The following FLNB variants were observed in gnomAD, a reference collection of about 807,000 sequenced individuals.
FLNB encodes the protein filamin B.
In FLNB, 111 loss-of-function variants were observed where a neutral mutation model predicts 250.6. The observed-to-expected ratio is 0.44, with a 90% confidence interval of 0.38 to 0.52. FLNB has a LOEUF of 0.52. Among genes scored for constraint, FLNB ranks in the 20% least tolerant of loss-of-function variants. FLNB has a pLI of 0.00. For synonymous variants in FLNB, 1,302 were observed against 1,372.1 expected (o/e 0.95, Z 1.13); for missense variants, 2,869 against 3,447.8 (o/e 0.83, Z 4.20).
intron 22 of FLNB, 56 bp downstream of exon 22, chr3:58,124,561 C>T: frequency 5.1e-6 from 8 of 1,582,426 alleles, no homozygotes; most frequent in Non-Finnish European, 4.3e-6. Context: ...TTGGTCATTG[C>T]CTCCTGGTGG....
intron 5 of FLNB, among the ~76,000 whole-genome samples, chr3:58,095,626 A>G (rs1202007407): frequency 6.6e-6 from 1 of 152,178 alleles, no homozygotes; most frequent in Non-Finnish European, 1.5e-5. Flanking sequence ...CACATTGGCC[A>G]TTCTTTGGTT....
chr3:58,061,607 C>CTA (rs1176103167), intron 1 of FLNB, among the ~76,000 whole-genome samples: 1 of 151,896 alleles, frequency 6.6e-6, no homozygotes, highest in African/African-American at 2.4e-5. Context: ...ACTGTCCCAG[C>CTA]TACTTGGGAC....
rs115346578 is a variant in FLNB, at chr3:58,134,783, G to A, written c.4671+11G>A. ...GCTGTTCAAATAACGGTAACTTGGA[G>A]TTATTTTCTGAGCCAAACCTTAATC... On this transcript the variant is annotated intron_variant, in intron 27 of 45. Coordinates refer to ENST00000295956, the MANE Select transcript of FLNB (RefSeq NM_001457.4). The A allele has an allele frequency of 7.3e-3, 11,737 of 1,613,294 alleles. 59 individuals are homozygous for A. The highest frequency in any genetic ancestry group is 8.8e-3 in the Non-Finnish European group (10,411 of 1,179,220).
At chr3:58,133,230 T>TG (rs2097310608) in intron 26 of FLNB, among the ~76,000 whole-genome samples, 1 of 152,190 alleles carries the variant, frequency 6.6e-6, no homozygotes, top group African/African-American at 2.4e-5. Flanking sequence ...CCTTGATATT[T>TG]GTGGCTCCCG....
At chr3:58,096,345 T>A (rs759273238) in intron 6 of FLNB, 127 bp downstream of exon 6, 2 of 743,666 alleles carry the variant, frequency 2.7e-6, no homozygotes, top group African/African-American at 3.5e-5. Context: ...GAAGGATCTA[T>A]GCTCATGATA....
intron 1 of FLNB, among the ~76,000 whole-genome samples, chr3:58,028,769 A>G (rs139194564): frequency 0.04 from 5,963 of 150,362 alleles, 421 homozygotes; most frequent in African/African-American, 0.14. Flanking sequence ...ATGTACCACC[A>G]CACCCAGCTA....
intron 21 of FLNB, 40 bp from the exon 22 acceptor site, chr3:58,124,292 G>C (rs1282789799): frequency 2.5e-6 from 4 of 1,612,324 alleles, no homozygotes; most frequent in Non-Finnish European, 3.4e-6. Flanking sequence ...TTTGGGTCTG[G>C]GGTACTGGTG....
chr3:58,082,404 T>C (rs750136267), intron 4 of FLNB, among the ~76,000 whole-genome samples: 2 of 152,154 alleles, frequency 1.3e-5, no homozygotes, highest in Non-Finnish European at 2.9e-5. Context: ...AAGATCAACA[T>C]GGCCAGATAC....
At chr3:58,019,973 C>T (rs2097111270) in intron 1 of FLNB, among the ~76,000 whole-genome samples, 1 of 151,660 alleles carries the variant, frequency 6.6e-6, no homozygotes, top group Admixed American at 6.6e-5. Flanking sequence ...GTCTAGAAAC[C>T]AGAGGTGAGG....
intron 29 of FLNB, among the ~76,000 whole-genome samples, chr3:58,139,032 A>C (rs1367889563): frequency 1.3e-5 from 2 of 152,224 alleles, no homozygotes; most frequent in African/African-American, 4.8e-5. Context: ...ATGAGGGGGA[A>C]ATACCTCGTC....
chr3:58,029,144 C>T (rs1274842889), intron 1 of FLNB, among the ~76,000 whole-genome samples: 2 of 151,542 alleles, frequency 1.3e-5, no homozygotes, highest in African/African-American at 4.9e-5. Context: ...TCCATCTTAA[C>T]CCTTTATGTA....
chr3:58,047,766 G>A (rs1247319461), intron 1 of FLNB, among the ~76,000 whole-genome samples: 4 of 152,014 alleles, frequency 2.6e-5, no homozygotes, highest in African/African-American at 9.7e-5. Flanking sequence ...TAGAGATGGG[G>A]TTGGCCAAGC....
At chr3:58,037,342 G>A (rs143853205) in intron 1 of FLNB, among the ~76,000 whole-genome samples, 100 of 152,236 alleles carry the variant, frequency 6.6e-4, no homozygotes, top group African/African-American at 2.3e-3. Flanking sequence ...TAGGATTATA[G>A]GCGTAAGCCA....
chr3:58,096,273 A>T, intron 6 of FLNB, 55 bp downstream of exon 6: 1 of 1,212,434 alleles, frequency 8.2e-7, no homozygotes. Flanking sequence ...AGGAGAAGAA[A>T]GATAGCCCAG....
intron 33 of FLNB, among the ~76,000 whole-genome samples, chr3:58,146,400 C>T (rs898232271): frequency 2.0e-5 from 3 of 152,196 alleles, no homozygotes; most frequent in African/African-American, 7.2e-5. Context: ...AGCTGTGTGC[C>T]CATTCCCGTG....
intron 1 of FLNB, among the ~76,000 whole-genome samples, chr3:58,055,907 C>T (rs1219265807): frequency 6.6e-6 from 1 of 151,382 alleles, no homozygotes; most frequent in Non-Finnish European, 1.5e-5. Flanking sequence ...AGTCTAAGAA[C>T]TACTATAATT....
intron 1 of FLNB, among the ~76,000 whole-genome samples, chr3:58,021,477 A>G (rs1312145394): frequency 6.6e-6 from 1 of 152,072 alleles, no homozygotes; most frequent in Admixed American, 6.5e-5. Flanking sequence ...CAGAACCCAG[A>G]ATGTGTTCTG....
intron 1 of FLNB, among the ~76,000 whole-genome samples, chr3:58,011,510 CCACA>C (rs2097098893): frequency 6.6e-6 from 1 of 152,148 alleles, no homozygotes; most frequent in African/African-American, 2.4e-5. Flanking sequence ...CCTCTGGAGA[CCACA>C]GAGAGCCCTG....
chr3:58,036,193 G>A (rs1482310190), intron 1 of FLNB, among the ~76,000 whole-genome samples: 1 of 152,158 alleles, frequency 6.6e-6, no homozygotes, highest in African/African-American at 2.4e-5. Context: ...TGGGGCTTTG[G>A]ACCCCAGTTT....
Sources: allele counts gnomAD v4.1 joint callset (sites outside exome capture counted in the v4.1 genomes callset), GRCh38; gene constraint gnomAD v4.1.1; transcripts MANE v1.5; gene names NCBI Gene and HGNC (gene_info 2026-07-23, HGNC 2026-07-21).